The following TNKS2 variants were observed in gnomAD, a reference collection of about 807,000 sequenced individuals.
TNKS2 encodes the protein poly [ADP-ribose] polymerase tankyrase-2.
A neutral mutation model predicts 137.6 loss-of-function variants in TNKS2; 72 were observed. That is an observed-to-expected ratio of 0.52 (90% confidence interval 0.43 to 0.64). TNKS2 has a LOEUF of 0.64. Ranked by LOEUF, TNKS2 falls within the 30% of genes least tolerant of loss-of-function variation. The pLI, the probability that TNKS2 is intolerant of heterozygous loss-of-function variation, is 0.00. For missense variants in TNKS2, 1,049 were observed against 1,410.2 expected (o/e 0.74, Z 4.10); for synonymous variants, 516 against 512.1 (o/e 1.01, Z -0.10).
At chr10:91,826,007 G>A (rs1047607159) in intron 7 of TNKS2, among the ~76,000 whole-genome samples, 2 of 152,222 alleles carry the variant, frequency 1.3e-5, no homozygotes, top group Non-Finnish European at 2.9e-5. Context: ...AACACAGGTT[G>A]AGTATCCATT....
At position 91,819,562 on chromosome 10, in the gene TNKS2, T is replaced by G; in HGVS notation, c.633+5T>G. The G allele has an allele frequency of 6.3e-7, 1 of 1,578,900 alleles. No homozygotes were observed. Among genetic ancestry groups the G allele is most frequent in the Non-Finnish European group, 8.6e-7 (1 of 1,168,500 alleles). On this transcript the variant is annotated splice_donor_5th_base_variant and intron_variant, in intron 5 of 26. Transcript: ENST00000371627. ...CACGCAAGTGATGGCAGAAAGGTAC[T>G]TCCTTTTGCAACTGAGTTTGTGCTT... is the stretch of plus-strand genomic sequence containing the variant.
chr10:91,798,646 C>T lies in TNKS2; in HGVS notation c.-45C>T, dbSNP rs1844048685. On this transcript the variant is annotated 5_prime_UTR_variant, in exon 1 of 27. Coordinates refer to ENST00000371627, the MANE Select transcript of TNKS2 (RefSeq NM_025235.4). ...CCTGCTCGCGGGGCCGGGGCTCCTGCTCCGGTTGCTGGCGCTGTTGCTGGC... is the reference window on the plus strand; with the variant it reads ...CCTGCTCGCGGGGCCGGGGCTCCTGTTCCGGTTGCTGGCGCTGTTGCTGGC... 15 of 1,215,968 alleles carry T rather than the reference C, an allele frequency of 1.2e-5. No homozygotes were observed. Among genetic ancestry groups the T allele is most frequent in the African/African-American group, 3.1e-5 (2 of 63,524 alleles). The allele number at this position is 1,215,968 out of a possible 1,614,324, so 75.3% of individuals were successfully genotyped here.
chr10:91,833,796 T>A (rs1841898623), intron 11 of TNKS2, 57 bp from the exon 12 acceptor site: 2 of 1,376,914 alleles, frequency 1.5e-6, no homozygotes, highest in Non-Finnish European at 1.9e-6. Context: ...AATACATGAT[T>A]GTATGGTTTT....
chr10:91,813,283 TCA>T, intron 2 of TNKS2, 76 bp downstream of exon 2: 2 of 1,219,844 alleles, frequency 1.6e-6, no homozygotes, highest in Non-Finnish European at 2.3e-6. Flanking sequence ...TCTGTTCATA[TCA>T]TCAAATTATG....
chr10:91,848,415 C>A lies in TNKS2; in HGVS notation c.2391C>A (p.Ala797=), dbSNP rs1212195096. 8.7e-6 allele frequency: 14 copies of A among 1,614,054 alleles called. No individual in the cohort carries two copies. The highest frequency in any genetic ancestry group is 1.2e-5 in the Non-Finnish European group (14 of 1,180,036). Residue 797 remains alanine (A), a synonymous_variant, in exon 19 of 27, where the codon GCC becomes GCA. Transcript: ENST00000371627. ...ATGTCAGCGCTCTTCTGACAGCAGCCATGCCCCCATCTGCTCTGCCCTCTT... is the reference window on the plus strand; with the variant it reads ...ATGTCAGCGCTCTTCTGACAGCAGCAATGCCCCCATCTGCTCTGCCCTCTT... ...ADDVSALLTA[A]MPPSALPSCY... is the part of the protein sequence containing the mutation.
At chr10:91,804,955 G>C (rs1173766383) in intron 1 of TNKS2, among the ~76,000 whole-genome samples, 3 of 152,172 alleles carry the variant, frequency 2.0e-5, no homozygotes, top group East Asian at 3.9e-4. Context: ...GTAGAAACAG[G>C]GTTTCACCAT....
chr10:91,853,367 T>C (rs1842608642), intron 21 of TNKS2, among the ~76,000 whole-genome samples: 1 of 152,238 alleles, frequency 6.6e-6, no homozygotes, highest in African/African-American at 2.4e-5. Flanking sequence ...GACAAAATGC[T>C]GTGTCTGATC....
At chr10:91,838,416 C>T (rs1055571780) in intron 13 of TNKS2, among the ~76,000 whole-genome samples, 12 of 152,184 alleles carry the variant, frequency 7.9e-5, no homozygotes, top group Non-Finnish European at 1.5e-4. Flanking sequence ...ACAAGAACAT[C>T]TGCGTATTAC....
chr10:91,836,559 CCA>C, intron 12 of TNKS2: 2 of 844,472 alleles, frequency 2.4e-6, no homozygotes, highest in Non-Finnish European at 2.9e-6. Context: ...AATGACAGAA[CCA>C]CAGTTAGATT....
At chr10:91,843,248 G>A (rs1842269267) in intron 16 of TNKS2, among the ~76,000 whole-genome samples, 1 of 152,148 alleles carries the variant, frequency 6.6e-6, no homozygotes, top group South Asian at 2.1e-4. Flanking sequence ...TGGAGGCTAG[G>A]AGTCCAAGTT....
intron 19 of TNKS2, 52 bp downstream of exon 19, chr10:91,848,687 TGTCATTTGGGATGCTAA>T (rs1842455982): frequency 6.3e-7 from 1 of 1,588,208 alleles, no homozygotes; most frequent in South Asian, 1.2e-5. Flanking sequence ...GCCCCGTATT[TGTCATTTGGGATGCTAA>T]AAAGTCATTT....
At chr10:91,820,161 A>G in intron 6 of TNKS2, 128 bp downstream of exon 6, 1 of 561,170 alleles carries the variant, frequency 1.8e-6, no homozygotes, top group Non-Finnish European at 2.8e-6. Context: ...TACAATGTAC[A>G]GGTTGCTCTG....
chr10:91,815,753 A>G (rs2133605584), intron 2 of TNKS2, among the ~76,000 whole-genome samples: 1 of 152,136 alleles, frequency 6.6e-6, no homozygotes, highest in South Asian at 2.1e-4. Context: ...CTCACATTTT[A>G]TTTCTGTTGA....
At chr10:91,841,228 A>G in intron 14 of TNKS2, 55 bp from the exon 15 acceptor site, 2 of 1,366,130 alleles carry the variant, frequency 1.5e-6, no homozygotes, top group South Asian at 3.4e-5. Context: ...ATATGTAATT[A>G]TTTAAATTAA....
intron 26 of TNKS2, 98 bp downstream of exon 26, chr10:91,862,253 G>A: frequency 1.0e-6 from 1 of 992,494 alleles, no homozygotes; most frequent in South Asian, 3.6e-5. Flanking sequence ...TGCCTTAACT[G>A]GATTTTTTAA....
intron 6 of TNKS2, among the ~76,000 whole-genome samples, chr10:91,820,978 G>A (rs923893011): frequency 5.9e-5 from 9 of 152,086 alleles, no homozygotes; most frequent in African/African-American, 1.9e-4. Flanking sequence ...TTGTTTGGAG[G>A]GAAAATGTTG....
intron 21 of TNKS2, 111 bp from the exon 22 acceptor site, chr10:91,854,918 T>TA (rs34370527): frequency 0.45 from 200,484 of 449,684 alleles, 33,945 homozygotes; most frequent in East Asian, 0.57. Context: ...AAAAAAAGTT[T>TA]AAAAAAAAAA....
chr10:91,845,214 T>C (rs1235113636), intron 17 of TNKS2, among the ~76,000 whole-genome samples, 186 bp downstream of exon 17: 2 of 152,146 alleles, frequency 1.3e-5, no homozygotes, highest in Non-Finnish European at 2.9e-5. Context: ...TGATATGCGG[T>C]GTATTGTTGT....
chr10:91,835,808 A>G (rs1032455807), intron 12 of TNKS2, among the ~76,000 whole-genome samples: 14 of 146,952 alleles, frequency 9.5e-5, no homozygotes, highest in East Asian at 2.1e-4. Context: ...GGGTTTTACC[A>G]TGTTGCCGAG....
Sources: allele counts gnomAD v4.1 joint callset (sites outside exome capture counted in the v4.1 genomes callset), GRCh38; gene constraint gnomAD v4.1.1; transcripts MANE v1.5; gene names NCBI Gene and HGNC (gene_info 2026-07-23, HGNC 2026-07-21).